The following TGFBR3 variants were observed in gnomAD, a reference collection of about 807,000 sequenced individuals.
TGFBR3 encodes transforming growth factor beta receptor type 3.
Under a neutral mutation model 87.9 loss-of-function variants are expected in TGFBR3, and 46 were observed. The ratio of observed to expected loss-of-function variants is 0.52; its 90% CI spans 0.41 to 0.67. The LOEUF (loss-of-function observed/expected upper bound fraction) is 0.67, where lower values mean the gene tolerates loss of function less well. Among genes scored for constraint, TGFBR3 ranks in the 30% least tolerant of loss-of-function variants. The pLI, the probability that TGFBR3 is intolerant of heterozygous loss-of-function variation, is 0.00. For missense variants in TGFBR3, 866 were observed against 1,041.9 expected, an observed-to-expected ratio of 0.83 and a Z score of 2.32; for synonymous variants, 381 against 391.6, an observed-to-expected ratio of 0.97 and a Z score of 0.32.
chr1:91,770,840 A>G (rs1279800226), intron 3 of TGFBR3: 5 of 152,186 alleles, frequency 3.3e-5, no homozygotes, highest in African/African-American at 1.2e-4. Flanking sequence ...ACACATACTT[A>G]CCACACCCCT....
chr1:91,874,600 C>T (rs529541658), intron 1 of TGFBR3, among the ~76,000 whole-genome samples: 5 of 152,228 alleles, frequency 3.3e-5, no homozygotes, highest in African/African-American at 4.8e-5. Context: ...TGGGTTCAAG[C>T]GATTCTCCTG....
upstream of TGFBR3, among the ~76,000 whole-genome samples, chr1:91,889,897 A>G (rs1679410345): frequency 6.6e-6 from 1 of 152,100 alleles, no homozygotes; most frequent in Non-Finnish European, 1.5e-5. Flanking sequence ...CCTGACCTCA[A>G]GTGATCCACC....
At chr1:91,819,545 G>T (rs1463168071) in intron 2 of TGFBR3, among the ~76,000 whole-genome samples, 2 of 152,146 alleles carry the variant, frequency 1.3e-5, no homozygotes, top group Non-Finnish European at 2.9e-5. Context: ...TTTGGAGAGG[G>T]CCTACAGGCA....
chr1:91,736,297 G>A (rs1022813142), intron 4 of TGFBR3, among the ~76,000 whole-genome samples: 1 of 151,190 alleles, frequency 6.6e-6, no homozygotes, highest in Admixed American at 6.6e-5. Flanking sequence ...ATTCAGAAAT[G>A]ATCGTGACTA....
intron 12 of TGFBR3, among the ~76,000 whole-genome samples, chr1:91,713,836 TA>T (rs1239355472): frequency 1.3e-5 from 2 of 152,104 alleles, no homozygotes; most frequent in African/African-American, 2.4e-5. Context: ...GTGCTATTAC[TA>T]AAAACTGCCG....
At chr1:91,748,333 G>A (rs1002519061) in intron 4 of TGFBR3, among the ~76,000 whole-genome samples, 4 of 152,126 alleles carry the variant, frequency 2.6e-5, no homozygotes, top group Admixed American at 2.6e-4. Context: ...ATTAACAAAC[G>A]GTCCCCACAG....
rs566955007 is a variant in TGFBR3, at chr1:91,733,837, C to A, written c.568+939G>T. On this transcript the variant is annotated intron_variant, in intron 5 of 16. Coordinates refer to ENST00000212355, the MANE Select transcript of TGFBR3 (RefSeq NM_003243.5). The stretch of plus-strand genomic sequence containing the variant: ...GGATCTCTTAACCAGCAGTTCAAAA[C>A]CAGCCTGGGCAACACAGCAAGACCT... 9.9e-5 allele frequency among the ~76,000 whole-genome samples: 15 copies of A among 152,228 alleles called. No individual in the cohort carries two copies. In the East Asian group the frequency reaches 2.9e-3, roughly 29 times the overall value.
At chr1:91,879,594 A>G (rs1428033957) in intron 1 of TGFBR3, among the ~76,000 whole-genome samples, 2 of 152,234 alleles carry the variant, frequency 1.3e-5, no homozygotes, top group Non-Finnish European at 2.9e-5. Flanking sequence ...AAAATGAAGA[A>G]TAAGTTCCAA....
intron 1 of TGFBR3, among the ~76,000 whole-genome samples, chr1:91,900,384 G>C (rs1368693410): frequency 2.0e-5 from 3 of 152,198 alleles, no homozygotes; most frequent in Non-Finnish European, 4.4e-5. Context: ...AAAGTGCTGG[G>C]ATTACAGGTG....
intron 2 of TGFBR3, among the ~76,000 whole-genome samples, chr1:91,829,332 C>T (rs1399326396): frequency 6.6e-6 from 1 of 151,804 alleles, no homozygotes; most frequent in Admixed American, 6.6e-5. Flanking sequence ...GCTGAGATTG[C>T]CCCACTGCAC....
At chr1:91,879,422 G>C (rs891497143) in intron 1 of TGFBR3, among the ~76,000 whole-genome samples, 1 of 151,944 alleles carries the variant, frequency 6.6e-6, no homozygotes, top group Non-Finnish European at 1.5e-5. Flanking sequence ...CCTGCCCCCC[G>C]ACACCAAAAA....
At chr1:91,692,243 A>G (rs1671292288) in intron 16 of TGFBR3, among the ~76,000 whole-genome samples, 1 of 152,200 alleles carries the variant, frequency 6.6e-6, no homozygotes, top group Non-Finnish European at 1.5e-5. Flanking sequence ...GGAGGTCTAG[A>G]GCAAAGGTGT....
intron 16 of TGFBR3, among the ~76,000 whole-genome samples, chr1:91,691,639 A>G (rs949821957): frequency 2.0e-5 from 3 of 152,252 alleles, no homozygotes; most frequent in Non-Finnish European, 1.5e-5. Flanking sequence ...GAGATACATG[A>G]CACAGGACAT....
Position 91,721,962 on chromosome 1 carries a change from T to A in TGFBR3, c.1068A>T (p.Glu356Asp), listed in dbSNP as rs1461503639. The change falls in exon 8 of 17, where the codon GAA becomes GAT. Residue 356 changes from glutamate (E) to aspartate (D), a missense_variant. By Grantham distance (45) the Glu-to-Asp change is conservative. Coordinates refer to ENST00000212355, the MANE Select transcript of TGFBR3 (RefSeq NM_003243.5). ...AAAAAACTTCTAACTTACCATTATT[T>A]TCAAGCCGAAGATGAAATCTATTAG... ...PVANRFHLRL[E>D]NNAEEMGDEE... 1 of 1,613,048 alleles carries A rather than the reference T, an allele frequency of 6.2e-7. No individual in the cohort carries two copies. Among genetic ancestry groups the A allele is most frequent in the Non-Finnish European group, 8.5e-7 (1 of 1,179,496 alleles).
chr1:91,814,191 A>G (rs1342281109), intron 2 of TGFBR3, among the ~76,000 whole-genome samples: 1 of 151,844 alleles, frequency 6.6e-6, no homozygotes, highest in African/African-American at 2.4e-5. Context: ...TTTGCAAATC[A>G]TTATTATGTA....
chr1:91,698,850 A>C (rs923129409), intron 14 of TGFBR3, among the ~76,000 whole-genome samples: 36 of 152,196 alleles, frequency 2.4e-4, no homozygotes, highest in African/African-American at 8.4e-4. Context: ...TTCTAAAAGT[A>C]TCTTTGTTCT....
At chr1:91,786,548 C>T (rs1182362004) in intron 3 of TGFBR3, among the ~76,000 whole-genome samples, 1 of 151,942 alleles carries the variant, frequency 6.6e-6, no homozygotes, top group East Asian at 1.9e-4. Context: ...GCCAGGAGTT[C>T]AAGACCAGCC....
chr1:91,834,580 C>T (rs79599715), intron 2 of TGFBR3, among the ~76,000 whole-genome samples: 6 of 152,186 alleles, frequency 3.9e-5, no homozygotes, highest in African/African-American at 1.2e-4. Context: ...GAAACAGCAG[C>T]GAACAAGATA....
intron 1 of TGFBR3, among the ~76,000 whole-genome samples, chr1:91,901,430 A>C (rs1220326149): frequency 6.6e-6 from 1 of 152,234 alleles, no homozygotes; most frequent in Non-Finnish European, 1.5e-5. Flanking sequence ...GGCAATCTCT[A>C]TGCAATAGGC....
Sources: allele counts gnomAD v4.1 joint callset (sites outside exome capture counted in the v4.1 genomes callset), GRCh38; gene constraint gnomAD v4.1.1; transcripts MANE v1.5; gene names NCBI Gene and HGNC (gene_info 2026-07-23, HGNC 2026-07-21).